Variants in CNOT6L observed in about 807,000 individuals in gnomAD.
CNOT6L encodes CCR4-NOT transcription complex subunit 6 like, also known as CCR4-NOT transcription complex subunit 6-like.
Under a neutral mutation model 64.0 loss-of-function variants are expected in CNOT6L, and 7 were observed. The observed-to-expected ratio is 0.11, with a 90% CI of 0.06 to 0.21. The LOEUF (loss-of-function observed/expected upper bound fraction) is 0.21, where lower values mean the gene tolerates loss of function less well. CNOT6L is among the 10% of genes least tolerant of loss of function. CNOT6L has a pLI of 1.00. For missense variants in CNOT6L, 245 were observed against 669.0 expected, an observed-to-expected ratio of 0.37 and a Z score of 6.99; for synonymous variants, 193 against 243.4, an observed-to-expected ratio of 0.79 and a Z score of 1.93.
At chr4:77,808,471 A>G (rs1003964228) in intron 1 of CNOT6L, among the ~76,000 whole-genome samples, 1 of 151,732 alleles carries the variant, frequency 6.6e-6, no homozygotes, top group African/African-American at 2.4e-5. Context: ...TCAAAAAAAA[A>G]AAAAAAAAAA....
chr4:77,725,477 G>A (rs1577918471), intron 11 of CNOT6L, among the ~76,000 whole-genome samples: 1 of 152,156 alleles, frequency 6.6e-6, no homozygotes, highest in East Asian at 1.9e-4. Flanking sequence ...CTAGCACTGG[G>A]AAAGAGATTA....
intron 11 of CNOT6L, among the ~76,000 whole-genome samples, chr4:77,724,331 C>A (rs2109862092): frequency 6.8e-6 from 1 of 146,762 alleles, no homozygotes; most frequent in East Asian, 2.1e-4. Flanking sequence ...CAGAGTGAGA[C>A]CCTGTCTCAA....
chr4:77,819,078 C>CT, intron 1 of CNOT6L: 1 of 288,490 alleles, frequency 3.5e-6, no homozygotes, highest in Non-Finnish European at 6.0e-6. Context: ...ACACACACCC[C>CT]GGAACCTTCG....
chr4:77,801,915 C>T (rs927064682), intron 1 of CNOT6L, among the ~76,000 whole-genome samples: 3 of 152,194 alleles, frequency 2.0e-5, no homozygotes, highest in Admixed American at 2.0e-4. Context: ...TCCTAAAATC[C>T]TCATAGTCCA....
At chr4:77,817,352 A>C (rs1276804727) in intron 1 of CNOT6L, among the ~76,000 whole-genome samples, 1 of 152,190 alleles carries the variant, frequency 6.6e-6, no homozygotes, top group Non-Finnish European at 1.5e-5. Flanking sequence ...AAGGGCTCTG[A>C]AAGATTCCAT....
chr4:77,746,294 T>G (rs1343702371), intron 6 of CNOT6L, among the ~76,000 whole-genome samples: 1 of 152,192 alleles, frequency 6.6e-6, no homozygotes, highest in Non-Finnish European at 1.5e-5. Context: ...AAAAACTACC[T>G]AAGTGTTATT....
intron 4 of CNOT6L, among the ~76,000 whole-genome samples, chr4:77,759,873 T>C (rs1447580152): frequency 6.6e-6 from 1 of 152,196 alleles, no homozygotes; most frequent in African/African-American, 2.4e-5. Flanking sequence ...CACATGAACA[T>C]TCACCAGTGA....
chr4:77,755,806 G>A (rs1396090718), intron 5 of CNOT6L, among the ~76,000 whole-genome samples: 1 of 151,836 alleles, frequency 6.6e-6, no homozygotes, highest in African/African-American at 2.4e-5. Context: ...CACTATGCTG[G>A]AACTTATGAT....
At chr4:77,724,639 C>CAA (rs58504681) in intron 11 of CNOT6L, among the ~76,000 whole-genome samples, 9 of 64,036 alleles carry the variant, frequency 1.4e-4, no homozygotes, top group African/African-American at 2.3e-4. Flanking sequence ...GACCCTATCT[C>CAA]AAAAAAAAAA....
intron 1 of CNOT6L, among the ~76,000 whole-genome samples, chr4:77,784,602 G>A (rs1033560700): frequency 1.3e-5 from 2 of 151,284 alleles, no homozygotes; most frequent in Admixed American, 1.3e-4. Context: ...TCTCACCTCA[G>A]TCGTCTGAGT....
chr4:77,739,123 C>T (rs1417109627), intron 8 of CNOT6L, among the ~76,000 whole-genome samples: 1 of 152,190 alleles, frequency 6.6e-6, no homozygotes, highest in Non-Finnish European at 1.5e-5. Context: ...CTAAACAATA[C>T]TCTATCCTTT....
chr4:77,811,974 C>G (rs4541532), intron 1 of CNOT6L, among the ~76,000 whole-genome samples: 119,954 of 152,004 alleles, frequency 0.79, 48,152 homozygotes, highest in Non-Finnish European at 0.86. Flanking sequence ...ATTGCTGCAA[C>G]TCAAGTGACT....
chr4:77,762,307 T>G (rs935129586), intron 4 of CNOT6L, among the ~76,000 whole-genome samples: 3 of 152,124 alleles, frequency 2.0e-5, no homozygotes, highest in African/African-American at 7.2e-5. Context: ...GTTTGGAAAC[T>G]TATAATCCCT....
intron 1 of CNOT6L, among the ~76,000 whole-genome samples, chr4:77,804,067 A>AACGTATTTTGTTTTATTTATAAT (rs1217669813): frequency 1.2e-4 from 19 of 152,302 alleles, no homozygotes; most frequent in African/African-American, 4.3e-4. Context: ...GTCTTCACAA[A>AACGTATTTTGTTTTATTTATAAT]ACCATATACA....
chr4:77,730,863 T>C (rs1041540938), intron 9 of CNOT6L, among the ~76,000 whole-genome samples: 2 of 152,080 alleles, frequency 1.3e-5, no homozygotes, highest in African/African-American at 4.8e-5. Flanking sequence ...GGTCTGTGTA[T>C]GAAGTACATA....
rs200194219 is a variant in CNOT6L at position 77,776,542 on chromosome 4, A to G, written c.6-150T>C. On this transcript the variant is annotated intron_variant, in intron 1 of 11. Coordinates refer to ENST00000504123, the MANE Select transcript of CNOT6L (RefSeq NM_144571.3). Reference sequence around the variant, plus strand: ...ATTCTCACTTGCAGAAAAAGAAAACACACACATTATCTGCAGTATGCTAGG... The same window carrying G: ...ATTCTCACTTGCAGAAAAAGAAAACGCACACATTATCTGCAGTATGCTAGG... 4.6e-5 allele frequency: 28 copies of G among 609,424 alleles called. No individual in the cohort carries two copies. In the East Asian group the frequency reaches 8.0e-4, roughly 17 times the overall value. 37.8% of individuals were successfully genotyped at this position (609,424 alleles called of 1,614,324 possible). A position where few individuals can be genotyped will look rare whatever the true frequency, so the allele number is the denominator to read the frequency against.
At chr4:77,758,111 G>C (rs1268113307) in intron 4 of CNOT6L, among the ~76,000 whole-genome samples, 1 of 152,128 alleles carries the variant, frequency 6.6e-6, no homozygotes, top group South Asian at 2.1e-4. Flanking sequence ...TGGAAGTCTG[G>C]TTGGTAGTTT....
intron 5 of CNOT6L, 49 bp downstream of exon 5, chr4:77,756,813 T>G: frequency 8.5e-7 from 1 of 1,183,140 alleles, no homozygotes; most frequent in Non-Finnish European, 1.2e-6. Context: ...TATTAGCTAG[T>G]TCATAATATC....
intron 3 of CNOT6L, among the ~76,000 whole-genome samples, chr4:77,774,100 A>G (rs1453996707): frequency 6.6e-6 from 1 of 152,220 alleles, no homozygotes; most frequent in East Asian, 1.9e-4. Flanking sequence ...AAGAATCCCT[A>G]AAAATTAGAA....
Sources: gnomAD v4.1 joint callset for allele counts (sites outside exome capture counted in the v4.1 genomes callset) on GRCh38, gnomAD v4.1.1 for gene constraint, MANE v1.5 for transcripts, NCBI Gene and HGNC (gene_info 2026-07-23, HGNC 2026-07-21) for gene names.